Variants in OPCML observed in about 807,000 individuals in gnomAD.
The protein encoded by OPCML is opioid-binding protein/cell adhesion molecule.
In OPCML, 13 loss-of-function variants were observed where a neutral mutation model predicts 37.8. The ratio of observed to expected loss-of-function variants is 0.34; its 90% CI spans 0.22 to 0.55. The LOEUF (loss-of-function observed/expected upper bound fraction) is 0.55. OPCML is among the 20% of genes least tolerant of loss of function. OPCML has a pLI of 0.91. For missense variants in OPCML, 341 were observed against 435.6 expected, an observed-to-expected ratio of 0.78 and a Z score of 1.93; for synonymous variants, 176 against 168.8, an observed-to-expected ratio of 1.04 and a Z score of -0.33.
chr11:132,886,894 C>T (rs980530407), intron 2 of OPCML, among the ~76,000 whole-genome samples: 3 of 152,138 alleles, frequency 2.0e-5, no homozygotes, highest in East Asian at 1.9e-4. Flanking sequence ...CATCGTGCCC[C>T]GCTCGCAGAA....
chr11:132,865,737 G>A (rs1298781661), intron 2 of OPCML, among the ~76,000 whole-genome samples: 1 of 152,184 alleles, frequency 6.6e-6, no homozygotes, highest in African/African-American at 2.4e-5. Context: ...CTGTCATGAC[G>A]ATGCAGCTCC....
intron 2 of OPCML, among the ~76,000 whole-genome samples, chr11:132,916,354 C>T (rs987504173): frequency 4.6e-5 from 7 of 152,124 alleles, no homozygotes; most frequent in African/African-American, 1.2e-4. Context: ...GTTCCATGGC[C>T]TAGTCAAGCT....
intron 1 of OPCML, among the ~76,000 whole-genome samples, chr11:133,358,086 T>C (rs1944332440): frequency 6.6e-6 from 1 of 152,238 alleles, no homozygotes; most frequent in Non-Finnish European, 1.5e-5. Flanking sequence ...TCTTCATAGT[T>C]GGCCCATGTG....
chr11:132,766,189 T>A (rs1427394503), intron 2 of OPCML, among the ~76,000 whole-genome samples: 1 of 151,922 alleles, frequency 6.6e-6, no homozygotes, highest in Non-Finnish European at 1.5e-5. Flanking sequence ...AATGATGGCA[T>A]CAGGGAAAAA....
intron 2 of OPCML, among the ~76,000 whole-genome samples, chr11:132,896,710 T>C (rs1943864119): frequency 6.6e-6 from 1 of 152,210 alleles, no homozygotes; most frequent in Admixed American, 6.5e-5. Flanking sequence ...TACTGTTCTA[T>C]TGATAACCTT....
intron 7 of OPCML, among the ~76,000 whole-genome samples, chr11:132,430,082 T>A (rs2095991343): frequency 6.6e-6 from 1 of 151,800 alleles, no homozygotes; most frequent in Non-Finnish European, 1.5e-5. Flanking sequence ...GAGGCATAAG[T>A]AGGTTTGAGA....
chr11:132,426,043 T>C (rs2095976757), intron 7 of OPCML, among the ~76,000 whole-genome samples: 1 of 152,230 alleles, frequency 6.6e-6, no homozygotes, highest in Non-Finnish European at 1.5e-5. Context: ...CTTTTTAATG[T>C]TAAAAATTAA....
intron 1 of OPCML, among the ~76,000 whole-genome samples, chr11:133,254,503 C>T (rs1453592697): frequency 1.3e-5 from 2 of 152,200 alleles, no homozygotes; most frequent in African/African-American, 2.4e-5. Context: ...AAAAGATATG[C>T]TCTGGAAAGA....
intron 4 of OPCML, among the ~76,000 whole-genome samples, chr11:132,501,384 A>G (rs1161754385): frequency 1.3e-5 from 2 of 152,228 alleles, no homozygotes; most frequent in African/African-American, 4.8e-5. Context: ...GACAAATGGG[A>G]TGGTTCCCTT....
intron 2 of OPCML, among the ~76,000 whole-genome samples, chr11:132,931,195 G>C (rs192823661): frequency 1.5e-3 from 220 of 151,264 alleles, no homozygotes; most frequent in African/African-American, 5.2e-3. Context: ...AAACATAAGA[G>C]CTAAAACTAT....
At chr11:133,519,103 T>C (rs1448927924) in intron 1 of OPCML, among the ~76,000 whole-genome samples, 3 of 152,128 alleles carry the variant, frequency 2.0e-5, no homozygotes, top group Non-Finnish European at 4.4e-5. Context: ...ACTCATCTTC[T>C]GCCTCCGTCT....
intron 1 of OPCML, among the ~76,000 whole-genome samples, chr11:133,472,916 C>T (rs1449058086): frequency 1.3e-5 from 2 of 152,068 alleles, no homozygotes; most frequent in African/African-American, 2.4e-5. Context: ...TCCCAGCCCT[C>T]CAGTGATCCA....
chr11:133,000,389 A>C (rs1946976458), intron 1 of OPCML, among the ~76,000 whole-genome samples: 2 of 152,222 alleles, frequency 1.3e-5, no homozygotes, highest in Admixed American at 1.3e-4. Flanking sequence ...CTGGGATTAC[A>C]GGCGTGAGCC....
chr11:132,768,486 ACT>A (rs551812488), intron 2 of OPCML, among the ~76,000 whole-genome samples: 2 of 152,206 alleles, frequency 1.3e-5, no homozygotes, highest in Non-Finnish European at 2.9e-5. Flanking sequence ...CAATTTGGGT[ACT>A]GTCCATTAAA....
At chr11:132,944,192 G>T (rs1373114279) in intron 1 of OPCML, among the ~76,000 whole-genome samples, 1 of 152,140 alleles carries the variant, frequency 6.6e-6, no homozygotes, top group Admixed American at 6.5e-5. Flanking sequence ...GAGGGGCGGG[G>T]TGGGGGGAGC....
At chr11:133,528,281 T>A (rs1229772146) in intron 1 of OPCML, among the ~76,000 whole-genome samples, 1 of 152,238 alleles carries the variant, frequency 6.6e-6, no homozygotes, top group African/African-American at 2.4e-5. Context: ...TGACGCAGTC[T>A]AACCTTATTA....
chr11:132,679,549 AAGAC>A (rs1345514733), intron 2 of OPCML, among the ~76,000 whole-genome samples: 2 of 152,222 alleles, frequency 1.3e-5, no homozygotes, highest in Non-Finnish European at 2.9e-5. Flanking sequence ...CAAATCTAAA[AAGAC>A]AGAAAATAGT....
chr11:132,776,145 C>T (rs530465022), intron 2 of OPCML, among the ~76,000 whole-genome samples: 3 of 152,186 alleles, frequency 2.0e-5, no homozygotes, highest in East Asian at 3.9e-4. Flanking sequence ...GCCAGGCTGG[C>T]CTAGAACTCC....
intron 1 of OPCML, among the ~76,000 whole-genome samples, chr11:132,968,599 C>G (rs530783935): frequency 6.6e-6 from 1 of 152,272 alleles, no homozygotes; most frequent in South Asian, 2.1e-4. Context: ...CCATCATAAC[C>G]CAATCACCTC....
Sources: allele counts gnomAD v4.1 joint callset (sites outside exome capture counted in the v4.1 genomes callset), GRCh38; gene constraint gnomAD v4.1.1; transcripts MANE v1.5; gene names NCBI Gene and HGNC (gene_info 2026-07-23, HGNC 2026-07-21).